The following ITPKB variants were observed in gnomAD, a reference collection of about 807,000 sequenced individuals.
The protein encoded by ITPKB is inositol-trisphosphate 3-kinase B, also known as IP3 3-kinase B.
ITPKB carries 13 observed loss-of-function variants against 69.4 expected under a neutral mutation model. That is an observed-to-expected ratio of 0.19 (90% confidence interval 0.12 to 0.30). The LOEUF is 0.30. ITPKB is among the 10% of genes least tolerant of loss of function. The probability of loss-of-function intolerance (pLI) is 1.00; values close to 1 mark genes in which losing one functional copy is unlikely to be tolerated. For synonymous variants in ITPKB, 584 were observed against 513.7 expected, an observed-to-expected ratio of 1.14 and a Z score of -1.85; for missense variants, 1,240 against 1,250.5, an observed-to-expected ratio of 0.99 and a Z score of 0.13.
chr1:226,694,704 G>A (rs1349956175), intron 2 of ITPKB, among the ~76,000 whole-genome samples: 3 of 152,160 alleles, frequency 2.0e-5, no homozygotes, highest in African/African-American at 2.4e-5. Context: ...GGAGGATGTC[G>A]GCAGCATCCT....
intron 2 of ITPKB, among the ~76,000 whole-genome samples, chr1:226,694,775 G>A (rs1268566436): frequency 2.6e-5 from 4 of 152,194 alleles, no homozygotes; most frequent in Non-Finnish European, 5.9e-5. Flanking sequence ...AACCAAAAAT[G>A]TCTCCAGACA....
rs1668979855 is a variant in ITPKB, at chr1:226,642,377, C to T, written c.2247-252G>A. On this transcript the variant is annotated intron_variant, in intron 4 of 7. Transcript: ENST00000429204. This position sits in a 1 kb window ranked among gnomAD's most constrained non-coding sequence, Gnocchi z 6.4. The stretch of plus-strand genomic sequence containing the variant: ...AGATAAGGGAGTCTCGCTATGTTGC[C>T]CCGGCTGGTCTCAAACTTCTAGCCT... 6.6e-6 allele frequency among the ~76,000 whole-genome samples: 1 copy of T among 151,844 alleles called. No individual in the cohort carries two copies. The highest frequency in any genetic ancestry group is 1.5e-5 in the Non-Finnish European group (1 of 67,966).
At chr1:226,701,033 T>C (rs912149197) in intron 2 of ITPKB, among the ~76,000 whole-genome samples, 1 of 152,202 alleles carries the variant, frequency 6.6e-6, no homozygotes, top group East Asian at 1.9e-4. Flanking sequence ...ACTGTTTCTA[T>C]AGACGTGGAC....
chr1:226,650,786 G>A (rs1669173678), intron 2 of ITPKB, among the ~76,000 whole-genome samples: 1 of 152,210 alleles, frequency 6.6e-6, no homozygotes, highest in Admixed American at 6.5e-5. Context: ...GTCCCTATCA[G>A]GGGAGAACAC....
At chr1:226,706,137 A>G (rs1163142168) in intron 2 of ITPKB, among the ~76,000 whole-genome samples, 2 of 152,206 alleles carry the variant, frequency 1.3e-5, no homozygotes, top group African/African-American at 2.4e-5. Context: ...TCCCATTTCC[A>G]CTCCACAAAC....
At chr1:226,649,729 G>C (rs1669149493) in intron 2 of ITPKB, among the ~76,000 whole-genome samples, 1 of 152,082 alleles carries the variant, frequency 6.6e-6, no homozygotes, top group South Asian at 2.1e-4. Flanking sequence ...TGGAGCCTGA[G>C]CCTCAGAGAG....
chr1:226,704,967 G>A (rs1412602653), intron 2 of ITPKB, among the ~76,000 whole-genome samples: 1 of 152,266 alleles, frequency 6.6e-6, no homozygotes. Context: ...CTCTTGCTTG[G>A]CCAAATGTAT....
chr1:226,694,952 G>A lies in ITPKB; in HGVS notation c.1932+40575C>T, dbSNP rs1216904722. On this transcript the variant is annotated intron_variant, in intron 2 of 7. Coordinates refer to ENST00000429204, the MANE Select transcript of ITPKB (RefSeq NM_002221.4). Reference sequence around the variant, plus strand: ...CTCTTTCAAAAAGCTGGAAGGTATTGGGCACCGTGGCTCACGCCTGTAATC... The same window carrying A: ...CTCTTTCAAAAAGCTGGAAGGTATTAGGCACCGTGGCTCACGCCTGTAATC... 2.0e-5 allele frequency among the ~76,000 whole-genome samples: 3 copies of A among 152,246 alleles called. No homozygotes were observed. In the East Asian group the frequency reaches 5.8e-4, roughly 29 times the overall value.
intron 2 of ITPKB, among the ~76,000 whole-genome samples, chr1:226,732,095 TCAA>T (rs1379434770): frequency 1.1e-4 from 10 of 94,106 alleles, no homozygotes; most frequent in African/African-American, 4.4e-4. Context: ...ACAAAACTAG[TCAA>T]CATCAAAAAA....
At chr1:226,657,312 T>C (rs1358268953) in intron 2 of ITPKB, 1 of 152,264 alleles carries the variant, frequency 6.6e-6, no homozygotes, top group East Asian at 1.9e-4. Context: ...AATAATAAGA[T>C]TGCTTGGCAA....
chr1:226,650,050 T>C (rs1669155487), intron 2 of ITPKB, among the ~76,000 whole-genome samples: 1 of 152,084 alleles, frequency 6.6e-6, no homozygotes, highest in South Asian at 2.1e-4. Context: ...GCCATGTGGC[T>C]TGCAGAGGAG....
chr1:226,660,957 G>T (rs1170817469), intron 2 of ITPKB, among the ~76,000 whole-genome samples: 4 of 152,242 alleles, frequency 2.6e-5, no homozygotes, highest in African/African-American at 7.2e-5. Context: ...CCTCCCCAGA[G>T]ATTTTATTTT....
At chr1:226,638,681 A>G (rs1161811825) in intron 6 of ITPKB, among the ~76,000 whole-genome samples, 3 of 152,118 alleles carry the variant, frequency 2.0e-5, no homozygotes, top group Non-Finnish European at 4.4e-5. Flanking sequence ...TTTGTCATGA[A>G]CTTGTACAAC....
In ITPKB at chr1:226,642,578, T is replaced by C. The variant is rs1668983707; in HGVS notation, c.2247-453A>G. On this transcript the variant is annotated intron_variant, in intron 4 of 7. Coordinates refer to ENST00000429204, the MANE Select transcript of ITPKB (RefSeq NM_002221.4). The surrounding 1 kb of genome is among the most constrained non-coding windows in gnomAD (Gnocchi z 6.4). ...CTCACAAAGCCCAAGGAGCTCCTCC[T>C]CGGGAGACCCCCACAGGAACCAGCA... Among the ~76,000 whole-genome samples, 1 of 151,852 alleles carries C rather than the reference T, an allele frequency of 6.6e-6. No homozygotes were observed. The highest frequency in any genetic ancestry group is 2.4e-5 in the African/African-American group (1 of 41,314).
Position 226,737,402 on chromosome 1 carries a change from C to T in ITPKB, c.57G>A (p.Glu19=). 1 of 1,611,378 alleles carries T rather than the reference C, an allele frequency of 6.2e-7. No homozygotes were observed. The highest frequency in any genetic ancestry group is 8.5e-7 in the Non-Finnish European group (1 of 1,179,620). ...GCCCCGGGCCGCCGCCGCTCTTCAT[C>T]TCGTTGGCGCTATTCATGATCACCA... The part of the protein sequence containing the change: ...NSLVIMNSAN[E]MKSGGGPGPS... Residue 19 remains glutamate, a synonymous_variant, in exon 2 of 8, where the codon GAG becomes GAA. Transcript: ENST00000429204.
intron 2 of ITPKB, among the ~76,000 whole-genome samples, chr1:226,700,627 G>A (rs1656615586): frequency 6.6e-6 from 1 of 151,988 alleles, no homozygotes; most frequent in African/African-American, 2.4e-5. Flanking sequence ...TAAACCCAAT[G>A]CCAAAAGTGT....
chr1:226,712,914 G>A (rs1222724733), intron 2 of ITPKB, among the ~76,000 whole-genome samples: 5 of 152,038 alleles, frequency 3.3e-5, no homozygotes, highest in South Asian at 2.1e-4. Context: ...TAACGCTCAC[G>A]CAGCTGCACA....
At chr1:226,697,127 C>A (rs1299242074) in intron 2 of ITPKB, among the ~76,000 whole-genome samples, 1 of 152,246 alleles carries the variant, frequency 6.6e-6, no homozygotes, top group African/African-American at 2.4e-5. Context: ...GAAACCTGGG[C>A]AAGCGTCAAC....
At chr1:226,697,969 TGCACTGCACTCTCCA>T (rs1277600132) in intron 2 of ITPKB, among the ~76,000 whole-genome samples, 1 of 152,186 alleles carries the variant, frequency 6.6e-6, no homozygotes, top group Non-Finnish European at 1.5e-5. Context: ...CAGAGTCCTA[TGCACTGCACTCTCCA>T]GACAGATGGA....
Sources: allele counts gnomAD v4.1 joint callset (sites outside exome capture counted in the v4.1 genomes callset), GRCh38; gene constraint gnomAD v4.1.1; non-coding constraint Gnocchi (gnomAD v3.1); transcripts MANE v1.5; gene names NCBI Gene and HGNC (gene_info 2026-07-23, HGNC 2026-07-21).